Variants in PIP5K1A observed in about 807,000 individuals in gnomAD.
PIP5K1A encodes the protein phosphatidylinositol-4-phosphate 5-kinase type 1 alpha.
Under a neutral mutation model 72.9 loss-of-function variants are expected in PIP5K1A, and 46 were observed. The observed-to-expected ratio is 0.63, with a 90% CI of 0.50 to 0.81. The LOEUF is 0.81. Among genes scored for constraint, PIP5K1A ranks in the 30% least tolerant of loss-of-function variants. PIP5K1A has a pLI of 0.00. For synonymous variants in PIP5K1A, 228 were observed against 255.1 expected (o/e 0.89, Z 1.01); for missense variants, 458 against 706.1 (o/e 0.65, Z 3.98).
chr1:151,224,440 G>T, intron 3 of PIP5K1A, 34 bp downstream of exon 3: 2 of 1,436,224 alleles, frequency 1.4e-6, no homozygotes, highest in Non-Finnish European at 9.8e-7. Flanking sequence ...ATCTTTTATT[G>T]TAGTTTATTT....
chr1:151,216,007 C>A lies in PIP5K1A; in HGVS notation c.86-8238C>A, dbSNP rs142895681. 2,928 of 1,285,276 alleles carry A rather than the reference C, an allele frequency of 2.3e-3. 12 individuals are homozygous for A. Among genetic ancestry groups the A allele is most frequent in the South Asian group, 7.3e-3 (588 of 80,626 alleles). The allele number at this position is 1,285,276 out of a possible 1,614,324, so 79.6% of individuals were successfully genotyped here. A position where few individuals can be genotyped will look rare whatever the true frequency, so the allele number is the denominator to read the frequency against. On this transcript the variant is annotated intron_variant, in intron 1 of 15. Coordinates refer to ENST00000368888, the MANE Select transcript of PIP5K1A (RefSeq NM_001135638.2). ...GGGGTCAGTGGTAAGAGAGGTAGAT[C>A]TGATGTGTATCTGTGCTAAAGAAGC... is the stretch of plus-strand genomic sequence containing the variant.
chr1:151,244,533 G>T (rs1692214766), intron 14 of PIP5K1A, among the ~76,000 whole-genome samples: 1 of 152,178 alleles, frequency 6.6e-6, no homozygotes, highest in Admixed American at 6.5e-5. Context: ...GTATGTTCCT[G>T]TAGTCCAAGT....
In PIP5K1A at chr1:151,198,821, G is replaced by A. The variant is rs1419857096; in HGVS notation, c.-176G>A. On this transcript the variant is annotated 5_prime_UTR_variant, in exon 1 of 16. It introduces an in-frame stop codon into an upstream open reading frame of the 5' UTR. Transcript: ENST00000368888. ...TTCCCCATGCCAGGCGAATGGTGTG[G>A]CCTTGAGCTGGTCCAGGAGCCGGCT... 5 of 687,062 alleles carry A rather than the reference G, an allele frequency of 7.3e-6. No individual in the cohort carries two copies. The highest frequency in any genetic ancestry group is 2.5e-5 in the East Asian group (1 of 40,668). The allele number at this position is 687,062 out of a possible 1,614,324, so 42.6% of individuals were successfully genotyped here.
chr1:151,200,447 CTG>C (rs1268571646), intron 1 of PIP5K1A, among the ~76,000 whole-genome samples: 2 of 151,982 alleles, frequency 1.3e-5, no homozygotes, highest in African/African-American at 4.8e-5. Context: ...GAGTCAGAAA[CTG>C]AGCGCTTCCA....
chr1:151,219,986 C>T (rs1332160504), intron 1 of PIP5K1A, among the ~76,000 whole-genome samples: 1 of 150,682 alleles, frequency 6.6e-6, no homozygotes, highest in Non-Finnish European at 1.5e-5. Context: ...CCACTGTGCT[C>T]AATGCCTGTC....
At chr1:151,220,456 A>G (rs866691364) in intron 1 of PIP5K1A, among the ~76,000 whole-genome samples, 6 of 150,918 alleles carry the variant, frequency 4.0e-5, no homozygotes, top group Non-Finnish European at 5.9e-5. Context: ...ATGAACCTCC[A>G]TATACTTACC....
At chr1:151,204,351 A>G (rs1233451206) in intron 1 of PIP5K1A, among the ~76,000 whole-genome samples, 3 of 151,790 alleles carry the variant, frequency 2.0e-5, no homozygotes, top group Non-Finnish European at 4.4e-5. Context: ...TAATTTTTGT[A>G]TTTTTAGTAG....
intron 1 of PIP5K1A, among the ~76,000 whole-genome samples, chr1:151,207,884 GA>G (rs1247494004): frequency 1.4e-5 from 2 of 143,328 alleles, no homozygotes; most frequent in African/African-American, 2.6e-5. Context: ...TTTTTTTTGA[GA>G]CAGAGTTTCG....
chr1:151,204,185 T>C (rs1685605274), intron 1 of PIP5K1A, among the ~76,000 whole-genome samples: 1 of 152,244 alleles, frequency 6.6e-6, no homozygotes, highest in East Asian at 1.9e-4. Flanking sequence ...TATATATATA[T>C]ATTTTTTTGA....
At chr1:151,232,524 C>A in intron 6 of PIP5K1A, 27 bp from the exon 7 acceptor site, 1 of 1,589,390 alleles carries the variant, frequency 6.3e-7, no homozygotes, top group South Asian at 1.1e-5. Flanking sequence ...GTGTCTAAAT[C>A]TCTTAGTTCT....
chr1:151,227,035 TAAA>T (rs780818036), intron 3 of PIP5K1A, among the ~76,000 whole-genome samples: 13 of 152,044 alleles, frequency 8.6e-5, no homozygotes, highest in Non-Finnish European at 1.9e-4. Context: ...TTCAAAAAAA[TAAA>T]GAGTAAAAAT....
Position 151,249,446 on chromosome 1 carries a change from T to C in PIP5K1A, c.*1581T>C, listed in dbSNP as rs1692907217. The C allele has an allele frequency of 6.6e-6, 1 of 152,202 alleles. No individual in the cohort carries two copies. The highest frequency in any genetic ancestry group is 1.5e-5 in the Non-Finnish European group (1 of 68,038). The allele number at this position is 152,202 out of a possible 1,614,324, so 9.4% of individuals were successfully genotyped here. ...TTTTTATTAAGTGTTACTATTTGCC[T>C]CTACTTTGTATTGTTCAGAAATGGC... On this transcript the variant is annotated 3_prime_UTR_variant, in exon 16 of 16. Coordinates refer to ENST00000368888, the MANE Select transcript of PIP5K1A (RefSeq NM_001135638.2).
Position 151,198,662 on chromosome 1 carries a change from G to GT in PIP5K1A, c.-326dup, listed in dbSNP as rs1297626875. On this transcript the variant is annotated 5_prime_UTR_variant, in exon 1 of 16. The change creates a premature stop within an existing upstream ORF in the 5' untranslated region. Coordinates refer to ENST00000368888, the MANE Select transcript of PIP5K1A (RefSeq NM_001135638.2). ...GCTCCTTTGGGACTTTTCATGCCTC[G>GT]TTTTTTTTTCAGATGTGGCTTGGTC... is the stretch of plus-strand genomic sequence containing the variant. 6.7e-3 allele frequency: 2,063 copies of GT among 307,016 alleles called. No homozygotes were observed. The highest frequency in any genetic ancestry group is 1.0e-2 in the East Asian group (162 of 16,214). The allele number at this position is 307,016 out of a possible 1,614,324, so 19.0% of individuals were successfully genotyped here.
intron 4 of PIP5K1A, 66 bp downstream of exon 4, chr1:151,227,466 C>G (rs1558273145): frequency 9.7e-7 from 1 of 1,030,976 alleles, no homozygotes; most frequent in South Asian, 1.3e-5. Context: ...GGAACTCAGT[C>G]TCCTTGAAAT....
Position 151,231,776 on chromosome 1 carries a change from G to A in PIP5K1A, c.343G>A (p.Val115Met), listed in dbSNP as rs779784493. The change falls in exon 5 of 16, where the codon GTG (valine) becomes ATG (methionine). Residue 115 changes from valine to methionine, a missense_variant. This residue lies in a region of PIP5K1A where 220 missense variants were observed against 442.6 expected (regional missense o/e 0.50). Coordinates refer to ENST00000368888, the MANE Select transcript of PIP5K1A (RefSeq NM_001135638.2). ...TGATGTCCTCATGCAAGATTTCTACGTGGTTGAGAGTATCTTCTTTCCCAG... is the reference window on the plus strand; with the variant it reads ...TGATGTCCTCATGCAAGATTTCTACATGGTTGAGAGTATCTTCTTTCCCAG... ...ERDVLMQDFY[V>M]VESIFFPSEG... The A allele has an allele frequency of 1.9e-6, 3 of 1,613,952 alleles. No homozygotes were observed. The highest frequency in any genetic ancestry group is 2.5e-6 in the Non-Finnish European group (3 of 1,179,850).
At chr1:151,196,050 A>C (rs1007649957), upstream of PIP5K1A, among the ~76,000 whole-genome samples, 1 of 151,348 alleles carries the variant, frequency 6.6e-6, no homozygotes. Flanking sequence ...GGCGCCGGCC[A>C]ACTCACCCGG....
At chr1:151,241,499 C>T (rs587716829) in intron 12 of PIP5K1A, among the ~76,000 whole-genome samples, 10 of 151,314 alleles carry the variant, frequency 6.6e-5, no homozygotes, top group South Asian at 2.1e-4. Flanking sequence ...GCAAGACTCT[C>T]GTCAAAGAAA....
Position 151,239,056 on chromosome 1 carries a change from C to T in PIP5K1A, c.1230-74C>T, listed in dbSNP as rs1012796536. 1.2e-5 allele frequency: 13 copies of T among 1,052,744 alleles called. No individual in the cohort carries two copies. The African/African-American group carries it at 1.9e-4, about 15-fold the overall frequency. The allele number at this position is 1,052,744 out of a possible 1,614,324, so 65.2% of individuals were successfully genotyped here. A position where few individuals can be genotyped will look rare whatever the true frequency, so the allele number is the denominator to read the frequency against. Reference sequence around the variant, plus strand: ...CAAGATTTTCTATTACCCCTTTAACCCCCTAAAATATAAAGTTATTAAGGT... The same window carrying T: ...CAAGATTTTCTATTACCCCTTTAACTCCCTAAAATATAAAGTTATTAAGGT... On this transcript the variant is annotated intron_variant, in intron 10 of 15. Transcript: ENST00000368888.
intron 1 of PIP5K1A, among the ~76,000 whole-genome samples, chr1:151,200,804 G>A (rs1290361610): frequency 2.8e-5 from 4 of 144,364 alleles, no homozygotes; most frequent in Non-Finnish European, 6.1e-5. Context: ...TAAAGTAAAA[G>A]TGACAGGGTA....
Sources: gnomAD v4.1 joint callset for allele counts (sites outside exome capture counted in the v4.1 genomes callset) on GRCh38, gnomAD v4.1.1 for gene constraint, gnomAD v4.1.1 regional missense constraint, MANE v1.5 for transcripts, NCBI Gene and HGNC (gene_info 2026-07-23, HGNC 2026-07-21) for gene names.